DOT1L: variants seen among roughly 807,000 people sequenced by gnomAD.
DOT1L encodes the protein histone-lysine N-methyltransferase, H3 lysine-79 specific.
DOT1L carries 33 observed loss-of-function variants against 153.3 expected under a neutral mutation model. The ratio of observed to expected loss-of-function variants is 0.22; its 90% CI spans 0.16 to 0.29. DOT1L has a LOEUF of 0.29. DOT1L is among the 10% of genes least tolerant of loss of function. The pLI, the probability that DOT1L is intolerant of heterozygous loss-of-function variation, is 1.00. For synonymous variants in DOT1L, 1,135 were observed against 965.1 expected (o/e 1.18, Z -3.26); for missense variants, 1,847 against 2,119.9 (o/e 0.87, Z 2.53).
At chr19:2,175,018 A>T (rs2021855402) in intron 1 of DOT1L, among the ~76,000 whole-genome samples, 2 of 131,266 alleles carry the variant, frequency 1.5e-5, no homozygotes, top group Non-Finnish European at 3.2e-5. Context: ...TTTTTTTTTT[A>T]GATGGAGTCT....
At chr19:2,211,052 G>A (rs570788623) in intron 14 of DOT1L, 47 bp from the exon 15 acceptor site, 16 of 1,573,684 alleles carry the variant, frequency 1.0e-5, no homozygotes, top group East Asian at 4.5e-5. Flanking sequence ...TCTGCCCACC[G>A]CTCTCCCGAC....
intron 23 of DOT1L, chr19:2,221,124 C>G (rs1461781123): frequency 6.4e-6 from 1 of 156,292 alleles, no homozygotes; most frequent in African/African-American, 2.4e-5. Context: ...TTGCAGTGAG[C>G]TGAGATCGCA....
rs2024169373 is a variant in DOT1L, at chr19:2,222,642, T to C, written c.3390+83T>C. On this transcript the variant is annotated intron_variant, in intron 24 of 27. Transcript: ENST00000398665. This position sits in a 1 kb window ranked among gnomAD's most constrained non-coding sequence, Gnocchi z 6.5. ...GAGACCGGGCGCGGTGGCTCACGCC[T>C]GTAATCCCAGCATTTTGGGAGGCCG... 1.5e-6 allele frequency: 2 copies of C among 1,343,058 alleles called. No individual in the cohort carries two copies. Among genetic ancestry groups the C allele is most frequent in the South Asian group, 3.0e-5 (2 of 67,132 alleles). 83.2% of individuals were successfully genotyped at this position (1,343,058 alleles called of 1,614,324 possible). A position where few individuals can be genotyped will look rare whatever the true frequency, so the allele number is the denominator to read the frequency against.
chr19:2,194,630 C>T (rs998577693), intron 7 of DOT1L, 53 bp downstream of exon 7: 6 of 1,587,282 alleles, frequency 3.8e-6, no homozygotes, highest in African/African-American at 1.3e-5. Flanking sequence ...CCCCCGCTCC[C>T]ACCCTCCTGT....
rs776776799 is a variant in DOT1L, at chr19:2,226,673, C to T, written c.4152C>T (p.Ser1384=). Reference sequence around the variant, plus strand: ...TGGCTGGGCTGAAGGGCGAGGGCAGCCGCGGCAAGGAGGCAGGGGAGGGCG... The same window carrying T: ...TGGCTGGGCTGAAGGGCGAGGGCAGTCGCGGCAAGGAGGCAGGGGAGGGCG... ...DGLAGLKGEG[S]RGKEAGEGGL... Residue 1384 remains serine (S), a synonymous_variant, in exon 27 of 28, where the codon AGC becomes AGT. Transcript: ENST00000398665. The T allele has an allele frequency of 1.3e-6, 2 of 1,576,368 alleles. No individual in the cohort carries two copies. Among genetic ancestry groups the T allele is most frequent in the East Asian group, 2.3e-5 (1 of 43,580 alleles).
chr19:2,201,864 CG>C (rs1254609460), intron 8 of DOT1L, among the ~76,000 whole-genome samples: 1 of 152,212 alleles, frequency 6.6e-6, no homozygotes, highest in East Asian at 1.9e-4. Context: ...CTGGGCACAG[CG>C]TGCAGGTCTT....
chr19:2,219,605 G>T (rs2024037600), intron 22 of DOT1L, among the ~76,000 whole-genome samples: 1 of 152,222 alleles, frequency 6.6e-6, no homozygotes, highest in South Asian at 2.1e-4. Context: ...ATGTAGGTTT[G>T]CTCTTTGGCC....
At position 2,213,526 on chromosome 19, in the gene DOT1L, G is replaced by C; in HGVS notation, c.1558-13G>C. 1.9e-6 allele frequency: 3 copies of C among 1,611,868 alleles called. No individual in the cohort carries two copies. Among genetic ancestry groups the C allele is most frequent in the Non-Finnish European group, 2.5e-6 (3 of 1,179,742 alleles). On this transcript the variant is annotated splice_polypyrimidine_tract_variant and intron_variant, in intron 16 of 27. Transcript: ENST00000398665. ...GCCCTGGCCCTTAGTCACCTGCCCTGTTTGTCCTACAGGAGAAGAACGCCC... is the reference window on the plus strand; with the variant it reads ...GCCCTGGCCCTTAGTCACCTGCCCTCTTTGTCCTACAGGAGAAGAACGCCC...
intron 2 of DOT1L, among the ~76,000 whole-genome samples, chr19:2,182,199 C>T (rs944597577): frequency 6.6e-6 from 1 of 151,844 alleles, no homozygotes; most frequent in South Asian, 2.1e-4. Flanking sequence ...TGCACTGCAG[C>T]CTGGGTGATA....
Position 2,230,770 on chromosome 19 carries a change from C to G in DOT1L, c.*978C>G, listed in dbSNP as rs1292706389. 2.5e-6 allele frequency: 1 copy of G among 395,662 alleles called. No individual in the cohort carries two copies. Among genetic ancestry groups the G allele is most frequent in the Non-Finnish European group, 4.4e-6 (1 of 224,770 alleles). The allele number at this position is 395,662 out of a possible 1,614,324, so 24.5% of individuals were successfully genotyped here. A position where few individuals can be genotyped will look rare whatever the true frequency, so the allele number is the denominator to read the frequency against. On this transcript the variant is annotated 3_prime_UTR_variant, in exon 28 of 28. Transcript: ENST00000398665. Reference sequence around the variant, plus strand: ...GGGGAAAAAACCTTATTTATTCAAACAGTGCACAAAATGGCCCCAGCGTCA... The same window carrying G: ...GGGGAAAAAACCTTATTTATTCAAAGAGTGCACAAAATGGCCCCAGCGTCA...
rs759937570 is a variant in DOT1L, at chr19:2,194,584, G to A, written c.651+7G>A. On this transcript the variant is annotated splice_region_variant and intron_variant, in intron 7 of 27. Transcript: ENST00000398665. ...AAAGCATGCAGAATACACAGTGAGT[G>A]CCATCGCTCCGCCCCGGCTCCCATC... The A allele has an allele frequency of 6.2e-7, 1 of 1,610,802 alleles. No individual in the cohort carries two copies. The highest frequency in any genetic ancestry group is 1.7e-5 in the Admixed American group (1 of 60,000).
Position 2,223,293 on chromosome 19 carries a change from A to G in DOT1L, c.3403A>G (p.Asn1135Asp). The G allele has an allele frequency of 1.9e-6, 3 of 1,613,438 alleles. No homozygotes were observed. The highest frequency in any genetic ancestry group is 2.5e-6 in the Non-Finnish European group (3 of 1,179,916). The change falls in exon 25 of 28, where the codon AAC (asparagine) becomes GAC (aspartate). Residue 1135 changes from asparagine (N) to aspartate (D), a missense_variant. Transcript: ENST00000398665. ...LNLNSMVSNI[N>D]QPLEITAISS... is the part of the protein sequence containing the mutation. ...TGTCTGCCCTCAGGTCAGTAACATC[A>G]ACCAGCCCCTGGAGATTACAGCCAT...
At chr19:2,194,295 C>T (rs1568343113) in intron 6 of DOT1L, among the ~76,000 whole-genome samples, 5 of 152,184 alleles carry the variant, frequency 3.3e-5, no homozygotes, top group Admixed American at 6.5e-5. Flanking sequence ...CTCAGCCTCC[C>T]GAGTAGCTGG....
At chr19:2,185,976 C>T in intron 3 of DOT1L, 47 bp downstream of exon 3, 1 of 1,569,080 alleles carries the variant, frequency 6.4e-7, no homozygotes, top group Admixed American at 1.7e-5. Flanking sequence ...ACAGACTCGG[C>T]TCTTGGGGAG....
In DOT1L at chr19:2,226,989, G is replaced by A. The variant is rs925877630; in HGVS notation, c.4468G>A (p.Gly1490Ser). 1.3e-6 allele frequency: 2 copies of A among 1,591,418 alleles called. No homozygotes were observed. The highest frequency in any genetic ancestry group is 1.3e-5 in the African/African-American group (1 of 74,074). The change falls in exon 27 of 28, where the codon GGC (glycine) becomes AGC (serine). Residue 1490 changes from glycine to serine, a missense_variant. Physicochemically the swap from Gly to Ser is moderately conservative, Grantham distance 56. Coordinates refer to ENST00000398665, the MANE Select transcript of DOT1L (RefSeq NM_032482.3). ...SLQANLGSVAGSSVLQSLFSS... is the reference protein window; with the variant it reads ...SLQANLGSVASSSVLQSLFSS... ...GCAGGCCAACCTCGGCTCCGTGGCC[G>A]GCTCCTCCGTGCTGCAGTCGCTGTT...
At position 2,180,804 on chromosome 19, in the gene DOT1L, T is replaced by TC. The variant is rs779963701; in HGVS notation, c.125+50dup. Reference sequence around the variant, plus strand: ...GTTGTCTTCACAGCCCTGAGCCACTTCCGTGGACACCCGTGCCCTGCAGAT... The same window carrying TC: ...GTTGTCTTCACAGCCCTGAGCCACTTCCCGTGGACACCCGTGCCCTGCAGAT... On this transcript the variant is annotated intron_variant, in intron 2 of 27. Transcript: ENST00000398665. 3.7e-6 allele frequency: 6 copies of TC among 1,609,104 alleles called. No individual in the cohort carries two copies. The South Asian group carries it at 6.6e-5, about 18-fold the overall frequency.
chr19:2,195,875 C>T (rs1376911326), intron 7 of DOT1L, among the ~76,000 whole-genome samples: 1 of 152,240 alleles, frequency 6.6e-6, no homozygotes, highest in African/African-American at 2.4e-5. Flanking sequence ...TCATTCGACT[C>T]TCACAGTTCA....
chr19:2,225,191 G>A (rs2024276093), intron 25 of DOT1L, among the ~76,000 whole-genome samples, 197 bp from the exon 26 acceptor site: 1 of 152,172 alleles, frequency 6.6e-6, no homozygotes, highest in South Asian at 2.1e-4. Context: ...GTACCCTTGT[G>A]GCACAACAGG....
intron 12 of DOT1L, among the ~76,000 whole-genome samples, chr19:2,210,153 A>T (rs113991098): frequency 6.4e-4 from 98 of 152,336 alleles, no homozygotes; most frequent in African/African-American, 1.9e-3. Flanking sequence ...ACTGACAGGC[A>T]TCTGTGATTG....
Sources: gnomAD v4.1 joint callset for allele counts (sites outside exome capture counted in the v4.1 genomes callset) on GRCh38, gnomAD v4.1.1 for gene constraint, Gnocchi (gnomAD v3.1) non-coding constraint, MANE v1.5 for transcripts, NCBI Gene and HGNC (gene_info 2026-07-23, HGNC 2026-07-21) for gene names.